MRM1: variants seen among roughly 807,000 people sequenced by gnomAD.
MRM1 encodes the protein rRNA methyltransferase 1, mitochondrial.
MRM1 carries 24 observed loss-of-function variants against 25.0 expected under a neutral mutation model. That is an observed-to-expected ratio of 0.96 (90% CI 0.69 to 1.35). The LOEUF (loss-of-function observed/expected upper bound fraction) is 1.35, where lower values mean the gene tolerates loss of function less well. Ranked by LOEUF, MRM1 falls within the 40% of genes most tolerant of loss-of-function variation. The pLI is 0.00. For synonymous variants in MRM1, 188 were observed against 199.2 expected, an observed-to-expected ratio of 0.94 and a Z score of 0.47; for missense variants, 431 against 464.1, an observed-to-expected ratio of 0.93 and a Z score of 0.65.
At chr17:36,603,187 C>G in intron 2 of MRM1, 1 of 984,790 alleles carries the variant, frequency 1.0e-6, no homozygotes, top group Non-Finnish European at 1.2e-6. Flanking sequence ...ACCCCCACCC[C>G]AACTGCAGGG....
the MRM1 span, among the ~76,000 whole-genome samples, chr17:36,626,424 G>A: frequency 6.6e-6 from 1 of 152,068 alleles, no homozygotes; most frequent in Non-Finnish European, 1.5e-5. Context: ...GTGCAGTGGC[G>A]TGATCTCGGC....
the MRM1 span, among the ~76,000 whole-genome samples, chr17:36,633,192 T>A: frequency 9.9e-5 from 15 of 152,064 alleles, no homozygotes; most frequent in East Asian, 2.9e-3. Context: ...GAAGAGCCCC[T>A]CCCGTCTCCC....
the MRM1 span, among the ~76,000 whole-genome samples, chr17:36,631,915 A>T: frequency 6.6e-6 from 1 of 152,156 alleles, no homozygotes; most frequent in African/African-American, 2.4e-5. Context: ...CTCTTCCAAC[A>T]TCCTCTTCTC....
Sources: allele counts gnomAD v4.1 joint callset (sites outside exome capture counted in the v4.1 genomes callset), GRCh38; gene constraint gnomAD v4.1.1; transcripts MANE v1.5; gene names NCBI Gene and HGNC (gene_info 2026-07-23, HGNC 2026-07-21).